Variants in GRIK4 observed in about 807,000 individuals in gnomAD.
The protein encoded by GRIK4 is glutamate ionotropic receptor kainate type subunit 4.
Under a neutral mutation model 104.9 loss-of-function variants are expected in GRIK4, and 40 were observed. That is an observed-to-expected ratio of 0.38 (90% confidence interval 0.30 to 0.50). The LOEUF (loss-of-function observed/expected upper bound fraction) is 0.50. Ranked by LOEUF, GRIK4 falls within the 20% of genes least tolerant of loss-of-function variation. The pLI is 0.93. For synonymous variants in GRIK4, 485 were observed against 524.9 expected (o/e 0.92, Z 1.04); for missense variants, 1,047 against 1,308.1 (o/e 0.80, Z 3.08).
chr11:120,851,318 T>C (rs1953968845), intron 8 of GRIK4, among the ~76,000 whole-genome samples: 2 of 152,220 alleles, frequency 1.3e-5, no homozygotes, highest in Admixed American at 1.3e-4. Flanking sequence ...TCTGGGGCTC[T>C]GCACATGCTG....
chr11:120,867,196 C>T (rs943508847), intron 9 of GRIK4, among the ~76,000 whole-genome samples: 6 of 152,134 alleles, frequency 3.9e-5, no homozygotes, highest in African/African-American at 1.4e-4. Context: ...ACGGCAGCGA[C>T]AATAGCAACA....
intron 4 of GRIK4, among the ~76,000 whole-genome samples, chr11:120,803,698 A>G (rs562459268): frequency 6.6e-6 from 1 of 152,342 alleles, no homozygotes; most frequent in East Asian, 1.9e-4. Context: ...TCAGCCTCCC[A>G]AAGTGCTGGG....
chr11:120,711,068 G>A (rs1950727049), intron 3 of GRIK4, among the ~76,000 whole-genome samples: 1 of 151,842 alleles, frequency 6.6e-6, no homozygotes, highest in South Asian at 2.1e-4. Flanking sequence ...TGCAGGGTGG[G>A]CCATGCTGAG....
intron 3 of GRIK4, among the ~76,000 whole-genome samples, chr11:120,695,432 G>A (rs763070228): frequency 2.6e-5 from 4 of 152,220 alleles, no homozygotes; most frequent in Non-Finnish European, 5.9e-5. Context: ...TTTCATGCAG[G>A]CCCCTGTGAG....
chr11:120,684,546 T>A (rs1950245769), intron 3 of GRIK4, among the ~76,000 whole-genome samples: 1 of 152,212 alleles, frequency 6.6e-6, no homozygotes, highest in African/African-American at 2.4e-5. Flanking sequence ...GTTTAGTTAC[T>A]TTAGCAAGGC....
intron 3 of GRIK4, among the ~76,000 whole-genome samples, chr11:120,671,383 A>C (rs1950014433): frequency 6.6e-6 from 1 of 152,164 alleles, no homozygotes; most frequent in Non-Finnish European, 1.5e-5. Flanking sequence ...TGACTTTTTA[A>C]TGATCGCCAT....
intron 11 of GRIK4, among the ~76,000 whole-genome samples, chr11:120,877,802 A>G (rs563890598): frequency 2.6e-5 from 4 of 152,186 alleles, no homozygotes; most frequent in Non-Finnish European, 4.4e-5. Flanking sequence ...TGCTCACTCC[A>G]CAGAAAGCCT....
rs1055503778 is a variant in GRIK4 at position 120,953,222 on chromosome 11, C to G, written c.1700+258C>G. ...TGGCTTCTGCACCTCTGCCTCCTGTCCCCTCCCACTTCTCCCCAGACCCCC... is the reference window on the plus strand; with the variant it reads ...TGGCTTCTGCACCTCTGCCTCCTGTGCCCTCCCACTTCTCCCCAGACCCCC... On this transcript the variant is annotated intron_variant, in intron 15 of 20. Coordinates refer to ENST00000527524, the MANE Select transcript of GRIK4 (RefSeq NM_014619.5). The surrounding 1 kb of genome is among the most constrained non-coding windows in gnomAD (Gnocchi z 4.9). Among the ~76,000 whole-genome samples the G allele has an allele frequency of 2.6e-5, 4 of 152,142 alleles. No homozygotes were observed. The highest frequency in any genetic ancestry group is 7.2e-5 in the African/African-American group (3 of 41,422).
intron 16 of GRIK4, among the ~76,000 whole-genome samples, chr11:120,958,394 G>C (rs757477853): frequency 4.6e-5 from 7 of 152,246 alleles, no homozygotes; most frequent in Non-Finnish European, 1.0e-4. Flanking sequence ...CGCCGTGACA[G>C]GCCTGTGCCA....
intron 1 of GRIK4, among the ~76,000 whole-genome samples, chr11:120,573,495 C>T (rs536173861): frequency 5.0e-4 from 76 of 152,290 alleles, no homozygotes; most frequent in Middle Eastern, 3.4e-3. Context: ...CCCTTGGCCT[C>T]AGCTGTCCTT....
At chr11:120,970,633 C>T (rs542783181) in intron 19 of GRIK4, among the ~76,000 whole-genome samples, 26 of 152,054 alleles carry the variant, frequency 1.7e-4, no homozygotes. Context: ...AGGGCAGCCC[C>T]ATTGGCAAGC....
intron 8 of GRIK4, among the ~76,000 whole-genome samples, chr11:120,857,873 A>G (rs900018955): frequency 6.6e-6 from 1 of 152,210 alleles, no homozygotes; most frequent in Non-Finnish European, 1.5e-5. Flanking sequence ...GTAGAGAGAG[A>G]CCACATGTGT....
In GRIK4 at chr11:120,953,012, A is replaced by G. The variant is rs2298724; in HGVS notation, c.1700+48A>G. 345,290 of 1,092,974 alleles carry G rather than the reference A, an allele frequency of 0.32. 57,836 individuals carry two copies. Among genetic ancestry groups the G allele is most frequent in the Admixed American group, 0.43 (24,736 of 57,970 alleles). 67.7% of individuals were successfully genotyped at this position (1,092,974 alleles called of 1,614,324 possible). The stretch of plus-strand genomic sequence containing the variant: ...GTCCTTACACCGCCACCTCGTGTCC[A>G]CCTCTGGGAACTGCATGGGGAGGGG... On this transcript the variant is annotated intron_variant, in intron 15 of 20. Transcript: ENST00000527524. This position sits in a 1 kb window ranked among gnomAD's most constrained non-coding sequence, Gnocchi z 4.9.
intron 13 of GRIK4, among the ~76,000 whole-genome samples, chr11:120,933,971 A>G (rs998786098): frequency 1.3e-5 from 2 of 152,034 alleles, no homozygotes; most frequent in African/African-American, 2.4e-5. Context: ...TTGGGAGGCC[A>G]AGGCGGGTGG....
rs1944151442 is a variant in GRIK4, at chr11:120,956,444, A to G, written c.1701-336A>G. Among the ~76,000 whole-genome samples, 1 of 151,978 alleles carries G rather than the reference A, an allele frequency of 6.6e-6. No individual in the cohort carries two copies. Among genetic ancestry groups the G allele is most frequent in the Non-Finnish European group, 1.5e-5 (1 of 67,988 alleles). Reference sequence around the variant, plus strand: ...GGTCTCGAATCCCTGGACTCAAGCAATCCACCCGCCTCGGCCTCCCAAAGT... The same window carrying G: ...GGTCTCGAATCCCTGGACTCAAGCAGTCCACCCGCCTCGGCCTCCCAAAGT... On this transcript the variant is annotated intron_variant, in intron 15 of 20. Transcript: ENST00000527524. This position sits in a 1 kb window ranked among gnomAD's most constrained non-coding sequence, Gnocchi z 4.6.
chr11:120,662,019 A>AGTGAATAAAGTGGGT (rs1949825574), intron 3 of GRIK4, among the ~76,000 whole-genome samples: 7 of 152,298 alleles, frequency 4.6e-5, no homozygotes, highest in Admixed American at 4.6e-4. Context: ...TCTCTAAATG[A>AGTGAATAAAGTGGGT]GTGAATAAAG....
chr11:120,889,511 C>T (rs1270074317), intron 11 of GRIK4, among the ~76,000 whole-genome samples: 2 of 144,844 alleles, frequency 1.4e-5, no homozygotes, highest in African/African-American at 5.1e-5. Flanking sequence ...AAAAAAGAGT[C>T]ATTGGTTATG....
intron 4 of GRIK4, among the ~76,000 whole-genome samples, chr11:120,806,940 A>G (rs1012430406): frequency 3.3e-5 from 5 of 152,162 alleles, no homozygotes; most frequent in African/African-American, 7.2e-5. Flanking sequence ...CTTGGGTTCA[A>G]ATAGACAGAT....
intron 3 of GRIK4, among the ~76,000 whole-genome samples, chr11:120,673,669 C>T (rs1950055810): frequency 6.6e-6 from 1 of 152,232 alleles, no homozygotes; most frequent in Non-Finnish European, 1.5e-5. Context: ...CACTCTGATG[C>T]TCTGGCTGTG....
Sources: gnomAD v4.1 joint callset for allele counts (sites outside exome capture counted in the v4.1 genomes callset) on GRCh38, gnomAD v4.1.1 for gene constraint, Gnocchi (gnomAD v3.1) non-coding constraint, MANE v1.5 for transcripts, NCBI Gene and HGNC (gene_info 2026-07-23, HGNC 2026-07-21) for gene names.